LAMC1: variants seen among roughly 807,000 people sequenced by gnomAD.
LAMC1 encodes laminin subunit gamma-1.
LAMC1 carries 38 observed loss-of-function variants against 173.6 expected under a neutral mutation model. The ratio of observed to expected loss-of-function variants is 0.22; its 90% confidence interval spans 0.17 to 0.29. LAMC1 has a LOEUF of 0.29. Among genes scored for constraint, LAMC1 ranks in the 10% least tolerant of loss-of-function variants. LAMC1 has a pLI of 1.00. For missense variants in LAMC1, 1,824 were observed against 2,051.8 expected (o/e 0.89, Z 2.14); for synonymous variants, 746 against 749.1 (o/e 1.00, Z 0.07).
At chr1:183,099,096 TG>T (rs1655767782) in intron 1 of LAMC1, among the ~76,000 whole-genome samples, 1 of 152,098 alleles carries the variant, frequency 6.6e-6, no homozygotes, top group Non-Finnish European at 1.5e-5. Flanking sequence ...TTGTTTTTGT[TG>T]TTTTTTTTTG....
At chr1:183,094,095 C>T (rs1655634448) in intron 1 of LAMC1, among the ~76,000 whole-genome samples, 1 of 152,194 alleles carries the variant, frequency 6.6e-6, no homozygotes, top group Non-Finnish European at 1.5e-5. Context: ...CTCCTCCTCT[C>T]AGCTTCTCTC....
intron 1 of LAMC1, among the ~76,000 whole-genome samples, chr1:183,064,486 T>C (rs1276282253): frequency 6.6e-6 from 1 of 152,214 alleles, no homozygotes; most frequent in Non-Finnish European, 1.5e-5. Flanking sequence ...TAAACACTTC[T>C]AAAACTAAAC....
intron 1 of LAMC1, among the ~76,000 whole-genome samples, chr1:183,080,264 T>G (rs935384480): frequency 6.6e-6 from 1 of 152,210 alleles, no homozygotes; most frequent in Non-Finnish European, 1.5e-5. Context: ...TTTTTTTTGC[T>G]TTTTAAAAAT....
chr1:183,142,130 G>A (rs1657130675), intron 27 of LAMC1, among the ~76,000 whole-genome samples: 1 of 152,144 alleles, frequency 6.6e-6, no homozygotes, highest in African/African-American at 2.4e-5. Flanking sequence ...TGAGGGATTA[G>A]GGTTCTTAGA....
chr1:183,049,869 G>T (rs1485323085), intron 1 of LAMC1, among the ~76,000 whole-genome samples: 1 of 151,880 alleles, frequency 6.6e-6, no homozygotes, highest in Non-Finnish European at 1.5e-5. Flanking sequence ...TGTGTCAATT[G>T]TGTTCTTTAT....
At chr1:183,120,299 A>G (rs1193915890) in intron 11 of LAMC1, among the ~76,000 whole-genome samples, 1 of 152,168 alleles carries the variant, frequency 6.6e-6, no homozygotes, top group Non-Finnish European at 1.5e-5. Flanking sequence ...CTATAAGGAA[A>G]AGACATGGAC....
At chr1:183,136,354 TTAGC>T in intron 24 of LAMC1, 28 bp from the exon 25 acceptor site, 1 of 1,600,754 alleles carries the variant, frequency 6.2e-7, no homozygotes, top group Non-Finnish European at 8.6e-7. Flanking sequence ...TGTTGGGAGT[TTAGC>T]TCAAATGTGT....
intron 17 of LAMC1, 52 bp from the exon 18 acceptor site, chr1:183,128,542 C>G: frequency 1.3e-6 from 2 of 1,505,676 alleles, no homozygotes; most frequent in Non-Finnish European, 1.8e-6. Context: ...TTGAGTTCTT[C>G]AGGAATACTT....
chr1:183,062,274 T>A (rs1654761869), intron 1 of LAMC1, among the ~76,000 whole-genome samples: 1 of 152,246 alleles, frequency 6.6e-6, no homozygotes, highest in Non-Finnish European at 1.5e-5. Context: ...TACTATTTTC[T>A]TGTCAGAACA....
At chr1:183,121,286 C>A (rs899166180) in intron 11 of LAMC1, among the ~76,000 whole-genome samples, 2 of 151,938 alleles carry the variant, frequency 1.3e-5, no homozygotes, top group African/African-American at 4.8e-5. Context: ...ATTAGCCGGG[C>A]ATGGTGGCAT....
intron 1 of LAMC1, among the ~76,000 whole-genome samples, chr1:183,036,592 G>C (rs1213466169): frequency 6.6e-6 from 1 of 151,390 alleles, no homozygotes; most frequent in African/African-American, 2.4e-5. Flanking sequence ...TAGTAGAGAT[G>C]GGAGTTCACC....
chr1:183,097,484 A>C (rs919943762), intron 1 of LAMC1, among the ~76,000 whole-genome samples: 1 of 152,194 alleles, frequency 6.6e-6, no homozygotes, highest in African/African-American at 2.4e-5. Flanking sequence ...AAAATTCTAT[A>C]TGGCTATTGT....
At chr1:183,069,168 A>G (rs1336409870) in intron 1 of LAMC1, among the ~76,000 whole-genome samples, 1 of 152,128 alleles carries the variant, frequency 6.6e-6, no homozygotes, top group Non-Finnish European at 1.5e-5. Context: ...TTTTAGGTTC[A>G]TTGTCAGGAC....
At chr1:183,087,665 A>G (rs1015739889) in intron 1 of LAMC1, among the ~76,000 whole-genome samples, 4 of 152,174 alleles carry the variant, frequency 2.6e-5, no homozygotes, top group African/African-American at 4.8e-5. Context: ...CAGAGCTGCT[A>G]AAAGGAACTT....
chr1:183,100,912 C>G (rs559951108), intron 1 of LAMC1, among the ~76,000 whole-genome samples: 1 of 152,272 alleles, frequency 6.6e-6, no homozygotes, highest in Admixed American at 6.5e-5. Flanking sequence ...CAGGCCAGCA[C>G]CTGCAAGTAG....
At chr1:183,094,482 T>C (rs1655644793) in intron 1 of LAMC1, among the ~76,000 whole-genome samples, 1 of 152,196 alleles carries the variant, frequency 6.6e-6, no homozygotes, top group African/African-American at 2.4e-5. Context: ...TTCTACAAGG[T>C]TGAGACCTTG....
In LAMC1 at chr1:183,105,909, C is replaced by T. The variant is rs562465712; in HGVS notation, c.723+2277C>T. On this transcript the variant is annotated intron_variant, in intron 2 of 27. Coordinates refer to ENST00000258341, the MANE Select transcript of LAMC1 (RefSeq NM_002293.4). ...TGGTTTCACCATATTATAAGTATTA[C>T]TAAGCATGTGTTGATTTATGGTAAT... 7.3e-4 allele frequency among the ~76,000 whole-genome samples: 111 copies of T among 152,330 alleles called. No homozygotes were observed. The Middle Eastern group carries it at 0.014, about 19-fold the overall frequency.
chr1:183,126,043 G>T (rs997861292), intron 15 of LAMC1, 77 bp from the exon 16 acceptor site: 436 of 1,346,360 alleles, frequency 3.2e-4, no homozygotes, highest in Non-Finnish European at 4.2e-4. Flanking sequence ...TTACATCAGT[G>T]CTATACTAAA....
At position 183,125,421 on chromosome 1, in the gene LAMC1, C is replaced by T. The variant is rs763761926; in HGVS notation, c.2672C>T (p.Thr891Ile). Residue 891 changes from threonine to isoleucine, a missense_variant, in exon 15 of 28, where the codon ACC (threonine) becomes ATC (isoleucine). Physicochemically the swap from Thr to Ile is moderately conservative, Grantham distance 89. Transcript: ENST00000258341. The stretch of plus-strand genomic sequence containing the variant: ...GCCTGCAATTGCAATCTGTATGGGA[C>T]CATGAAGCAGCAGAGCAGCTGTAAC... ...CKACNCNLYG[T>I]MKQQSSCNPV... The T allele has an allele frequency of 1.1e-4, 176 of 1,613,948 alleles. 1 individual carries two copies. The Middle Eastern group carries it at 5.1e-3, about 47-fold the overall frequency.
Sources: allele counts gnomAD v4.1 joint callset (sites outside exome capture counted in the v4.1 genomes callset), GRCh38; gene constraint gnomAD v4.1.1; transcripts MANE v1.5; gene names NCBI Gene and HGNC (gene_info 2026-07-23, HGNC 2026-07-21).